The following GABRB3 variants were observed in gnomAD, a reference collection of about 807,000 sequenced individuals.
GABRB3 encodes gamma-aminobutyric acid receptor subunit beta-3.
Under a neutral mutation model 52.1 loss-of-function variants are expected in GABRB3, and 14 were observed. The ratio of observed to expected loss-of-function variants is 0.27; its 90% confidence interval spans 0.18 to 0.42. GABRB3 has a LOEUF of 0.42. Among genes scored for constraint, GABRB3 ranks in the 10% least tolerant of loss-of-function variants. GABRB3 has a pLI of 1.00. For synonymous variants in GABRB3, 260 were observed against 232.3 expected (o/e 1.12, Z -1.08); for missense variants, 307 against 609.1 (o/e 0.50, Z 5.22).
chr15:26,616,590 C>T (rs1892265590), intron 4 of GABRB3, among the ~76,000 whole-genome samples: 3 of 144,722 alleles, frequency 2.1e-5, no homozygotes, highest in Non-Finnish European at 3.0e-5. Flanking sequence ...AGGAGTATAC[C>T]TATACTACAC....
chr15:26,588,466 C>G (rs1447035352), intron 4 of GABRB3, among the ~76,000 whole-genome samples: 1 of 152,172 alleles, frequency 6.6e-6, no homozygotes, highest in African/African-American at 2.4e-5. Flanking sequence ...GAGTAAGCAG[C>G]TTGACCACGT....
intron 4 of GABRB3, among the ~76,000 whole-genome samples, chr15:26,589,964 T>C (rs1378324745): frequency 2.6e-5 from 4 of 152,154 alleles, no homozygotes; most frequent in African/African-American, 9.7e-5. Context: ...GGGGACACAT[T>C]CCCGCTAACA....
At chr15:26,568,162 T>A (rs955488649) in intron 6 of GABRB3, among the ~76,000 whole-genome samples, 1 of 152,190 alleles carries the variant, frequency 6.6e-6, no homozygotes, top group Non-Finnish European at 1.5e-5. Flanking sequence ...CAGCCCTGAA[T>A]ACAGATGTTA....
intron 4 of GABRB3, among the ~76,000 whole-genome samples, chr15:26,605,442 T>C (rs1371530310): frequency 2.0e-5 from 3 of 152,154 alleles, no homozygotes; most frequent in African/African-American, 4.8e-5. Context: ...AATCAGTATA[T>C]TGAAGAATTA....
rs865897876 is a variant in GABRB3 at position 26,644,442 on chromosome 15, C to T, written c.241-22908G>A. On this transcript the variant is annotated intron_variant, in intron 3 of 8. Coordinates refer to ENST00000311550, the MANE Select transcript of GABRB3 (RefSeq NM_000814.6). Reference sequence around the variant, plus strand: ...AGACACGCACACAGAGAGAAGGCCTCGTGAAGGAGGAGGCAGAGATCAGGG... The same window carrying T: ...AGACACGCACACAGAGAGAAGGCCTTGTGAAGGAGGAGGCAGAGATCAGGG... Among the ~76,000 whole-genome samples, 18 of 152,192 alleles carry T rather than the reference C, an allele frequency of 1.2e-4. No homozygotes were observed. In the South Asian group the frequency reaches 2.3e-3, roughly 19 times the overall value.
At chr15:26,644,466 G>C (rs774339044) in intron 3 of GABRB3, among the ~76,000 whole-genome samples, 5 of 152,164 alleles carry the variant, frequency 3.3e-5, no homozygotes, top group Non-Finnish European at 7.3e-5. Flanking sequence ...CAGAGATCAG[G>C]GTGATGTTTG....
chr15:26,570,309 A>G (rs576736078), intron 6 of GABRB3, among the ~76,000 whole-genome samples: 3 of 152,338 alleles, frequency 2.0e-5, no homozygotes, highest in African/African-American at 4.8e-5. Context: ...GCTTCCCTTC[A>G]TATACATTTC....
At chr15:26,573,539 T>A (rs747605813) in intron 6 of GABRB3, among the ~76,000 whole-genome samples, 9 of 152,172 alleles carry the variant, frequency 5.9e-5, no homozygotes, top group Non-Finnish European at 1.3e-4. Flanking sequence ...CAATCCAGCC[T>A]CTCCATTATT....
Position 26,580,333 on chromosome 15 carries a change from A to G in GABRB3, c.668T>C (p.Val223Ala). The change falls in exon 6 of 9, where the codon GTT (valine) becomes GCT (alanine). Residue 223 changes from valine (V) to alanine (A), a missense_variant. Around this residue, in one of 6 missense-constraint regions of GABRB3, gnomAD observed 32 missense variants for 147.8 expected, o/e 0.22. Coordinates refer to ENST00000311550, the MANE Select transcript of GABRB3 (RefSeq NM_000814.6). ...IVEHRLVSRNVVFATGAYPRL... is the reference protein window; with the variant it reads ...IVEHRLVSRNAVFATGAYPRL... ...GCAGGACTCACCTGTGGCGAAGACAACATTCCTCGAGACCAGACGGTGCTC... is the reference window on the plus strand; with the variant it reads ...GCAGGACTCACCTGTGGCGAAGACAGCATTCCTCGAGACCAGACGGTGCTC... 1 of 1,614,176 alleles carries G rather than the reference A, an allele frequency of 6.2e-7. No individual in the cohort carries two copies. The highest frequency in any genetic ancestry group is 8.5e-7 in the Non-Finnish European group (1 of 1,180,030).
chr15:26,585,387 A>G (rs1566759592), intron 4 of GABRB3, among the ~76,000 whole-genome samples: 1 of 152,190 alleles, frequency 6.6e-6, no homozygotes, highest in East Asian at 1.9e-4. Context: ...TGCTGCAGGT[A>G]ATGAGCAAGC....
intron 3 of GABRB3, among the ~76,000 whole-genome samples, chr15:26,760,802 C>G (rs1268290071): frequency 2.0e-5 from 2 of 98,168 alleles, no homozygotes; most frequent in African/African-American, 4.1e-5. Context: ...CACACACACA[C>G]GCGCACGCAC....
chr15:26,769,921 A>G lies in GABRB3; in HGVS notation c.240+2481T>C, dbSNP rs533423710. On this transcript the variant is annotated intron_variant, in intron 3 of 8. Coordinates refer to ENST00000311550, the MANE Select transcript of GABRB3 (RefSeq NM_000814.6). Reference sequence around the variant, plus strand: ...ATTATTGAATTTCATAACTTACCACACTTAGTTTTGTGTGACCAGTAAGGT... The same window carrying G: ...ATTATTGAATTTCATAACTTACCACGCTTAGTTTTGTGTGACCAGTAAGGT... Among the ~76,000 whole-genome samples, 4 of 152,244 alleles carry G rather than the reference A, an allele frequency of 2.6e-5. No individual in the cohort carries two copies. In the South Asian group the frequency reaches 8.3e-4, roughly 32 times the overall value.
At chr15:26,770,314 A>G (rs1355384145) in intron 3 of GABRB3, among the ~76,000 whole-genome samples, 1 of 152,202 alleles carries the variant, frequency 6.6e-6, no homozygotes, top group Non-Finnish European at 1.5e-5. Flanking sequence ...TTACTGTCAT[A>G]AGAATGCAAA....
chr15:26,593,027 C>CA (rs1399002960), intron 4 of GABRB3, among the ~76,000 whole-genome samples: 7 of 151,762 alleles, frequency 4.6e-5, no homozygotes, highest in East Asian at 1.9e-4. Flanking sequence ...AAAGAAAAAA[C>CA]AAAAAAAATT....
intron 3 of GABRB3, chr15:26,772,113 G>A (rs1891162908): frequency 1.7e-5 from 6 of 356,830 alleles, no homozygotes; most frequent in East Asian, 1.1e-4. Context: ...AGCGCTGGAG[G>A]AGCTGGGAGC....
intron 3 of GABRB3, among the ~76,000 whole-genome samples, chr15:26,732,965 TCCAGCCTGAGTGACA>T (rs1408780968): frequency 1.3e-5 from 2 of 150,570 alleles, no homozygotes; most frequent in Non-Finnish European, 2.9e-5. Flanking sequence ...GCCACTGCAC[TCCAGCCTGAGTGACA>T]GAGTAAGACC....
intron 3 of GABRB3, among the ~76,000 whole-genome samples, chr15:26,622,808 CA>C (rs1427600804): frequency 2.0e-5 from 3 of 152,108 alleles, no homozygotes; most frequent in Non-Finnish European, 2.9e-5. Flanking sequence ...ATGCTTGCCA[CA>C]AGAAGGGGAA....
intron 3 of GABRB3, among the ~76,000 whole-genome samples, chr15:26,765,185 T>C (rs575097174): frequency 2.0e-5 from 3 of 148,344 alleles, no homozygotes; most frequent in South Asian, 2.2e-4. Flanking sequence ...TCCACCCTCA[T>C]ATACTTTCTA....
At chr15:26,617,211 A>G (rs568504419) in intron 4 of GABRB3, among the ~76,000 whole-genome samples, 1 of 152,088 alleles carries the variant, frequency 6.6e-6, no homozygotes, top group East Asian at 1.9e-4. Context: ...AAAAGAGGGA[A>G]TCCTCCCTAA....
Sources: gnomAD v4.1 joint callset for allele counts (sites outside exome capture counted in the v4.1 genomes callset) on GRCh38, gnomAD v4.1.1 for gene constraint, gnomAD v4.1.1 regional missense constraint, MANE v1.5 for transcripts, NCBI Gene and HGNC (gene_info 2026-07-23, HGNC 2026-07-21) for gene names.